The following TANC2 variants were observed in gnomAD, a reference collection of about 807,000 sequenced individuals.
TANC2 encodes the protein tetratricopeptide repeat, ankyrin repeat and coiled-coil containing 2, also known as protein TANC2.
TANC2 carries 26 observed loss-of-function variants against 210.5 expected under a neutral mutation model. The ratio of observed to expected loss-of-function variants is 0.12; its 90% CI spans 0.09 to 0.17. The LOEUF (loss-of-function observed/expected upper bound fraction) is 0.17. Among genes scored for constraint, TANC2 ranks in the 10% least tolerant of loss-of-function variants. TANC2 has a pLI of 1.00. For missense variants in TANC2, 2,129 were observed against 2,608.9 expected (o/e 0.82, Z 4.01); for synonymous variants, 931 against 967.1 (o/e 0.96, Z 0.69).
intron 17 of TANC2, 80 bp downstream of exon 17, chr17:63,389,624 C>A: frequency 7.6e-7 from 1 of 1,308,816 alleles, no homozygotes; most frequent in Non-Finnish European, 1.1e-6. Context: ...TCCAGTGTTA[C>A]TTCATGAGTC....
intron 8 of TANC2, among the ~76,000 whole-genome samples, chr17:63,240,813 CT>C (rs2146078938): frequency 6.6e-6 from 1 of 152,312 alleles, no homozygotes; most frequent in South Asian, 2.1e-4. Context: ...CTTCATGAAA[CT>C]TTCTCCAGTC....
chr17:63,025,191 A>T (rs2034499917), intron 2 of TANC2, among the ~76,000 whole-genome samples: 1 of 152,120 alleles, frequency 6.6e-6, no homozygotes, highest in Non-Finnish European at 1.5e-5. Context: ...AATACAGTTG[A>T]TGGTAATTTT....
At chr17:63,098,511 G>A (rs148908670) in intron 3 of TANC2, among the ~76,000 whole-genome samples, 4 of 72,616 alleles carry the variant, frequency 5.5e-5, no homozygotes, top group African/African-American at 1.9e-4. Context: ...CTCTCTCTCT[G>A]TGTGTATATA....
At chr17:63,276,431 G>A (rs549137106) in intron 9 of TANC2, among the ~76,000 whole-genome samples, 1 of 150,672 alleles carries the variant, frequency 6.6e-6, no homozygotes, top group Non-Finnish European at 1.5e-5. Context: ...ACATTTTCAG[G>A]TATTAAATGT....
intron 26 of TANC2, among the ~76,000 whole-genome samples, chr17:63,417,787 AC>A (rs1568003430): frequency 6.6e-6 from 1 of 151,862 alleles, no homozygotes; most frequent in African/African-American, 2.4e-5. Flanking sequence ...TCTGTCTGAC[AC>A]CCCCTCTCCC....
rs2049023148 is a variant in TANC2, at chr17:63,421,485, A to G, written c.5755A>G (p.Ser1919Gly). The change falls in exon 28 of 28, where the codon AGT becomes GGT. Residue 1919 changes from serine (S) to glycine (G), a missense_variant. Ser to Gly is a moderately conservative substitution (Grantham distance 56). Coordinates refer to ENST00000689528, the Ensembl canonical transcript of TANC2. This position sits in a 1 kb window ranked among gnomAD's most constrained non-coding sequence, Gnocchi z 6.9. ...GTCTCCAACTCAAGGAGGTTACCCCAGTGAGCCCACCCGATCCAGGACCAC... is the reference window on the plus strand; with the variant it reads ...GTCTCCAACTCAAGGAGGTTACCCCGGTGAGCCCACCCGATCCAGGACCAC... 2 of 1,614,010 alleles carry G rather than the reference A, an allele frequency of 1.2e-6. No individual in the cohort carries two copies. Among genetic ancestry groups the G allele is most frequent in the African/African-American group, 1.3e-5 (1 of 75,052 alleles).
intron 2 of TANC2, among the ~76,000 whole-genome samples, chr17:63,022,392 G>A (rs1389627168): frequency 7.9e-5 from 12 of 151,288 alleles, no homozygotes; most frequent in Middle Eastern, 3.5e-3. Context: ...AGAAATCTAA[G>A]TAGCAAAGTG....
chr17:63,031,857 G>A (rs2034783104), intron 2 of TANC2, among the ~76,000 whole-genome samples: 1 of 152,140 alleles, frequency 6.6e-6, no homozygotes, highest in Non-Finnish European at 1.5e-5. Flanking sequence ...GAGTTCCAAG[G>A]GAAGGACTCA....
At chr17:63,322,161 T>A (rs2094496043) in intron 11 of TANC2, among the ~76,000 whole-genome samples, 2 of 152,210 alleles carry the variant, frequency 1.3e-5, no homozygotes. Flanking sequence ...ATTGTAGCTT[T>A]AAAAGACATC....
At chr17:63,103,291 C>G (rs2037700110) in intron 4 of TANC2, among the ~76,000 whole-genome samples, 1 of 152,144 alleles carries the variant, frequency 6.6e-6, no homozygotes, top group Non-Finnish European at 1.5e-5. Context: ...TATAAAGACT[C>G]ATTTGCAGAT....
intron 2 of TANC2, 74 bp downstream of exon 2, chr17:63,009,700 C>A: frequency 7.9e-7 from 1 of 1,261,118 alleles, no homozygotes; most frequent in Non-Finnish European, 1.1e-6. Context: ...TGAATTAATG[C>A]TGTAACACTT....
At chr17:63,219,138 C>T (rs1277844015) in intron 7 of TANC2, among the ~76,000 whole-genome samples, 1 of 152,066 alleles carries the variant, frequency 6.6e-6, no homozygotes, top group Non-Finnish European at 1.5e-5. Flanking sequence ...ATACCATGTT[C>T]AAAGATCACA....
intron 4 of TANC2, among the ~76,000 whole-genome samples, chr17:63,128,522 A>G (rs1003868044): frequency 1.3e-5 from 2 of 152,266 alleles, no homozygotes; most frequent in Non-Finnish European, 2.9e-5. Context: ...AAAAAAGAAA[A>G]GTTGGAATTC....
intron 4 of TANC2, among the ~76,000 whole-genome samples, chr17:63,103,271 T>C (rs1428748701): frequency 6.6e-6 from 1 of 152,238 alleles, no homozygotes; most frequent in East Asian, 1.9e-4. Context: ...TAGTCTTCCA[T>C]GCCGGTGTAT....
At chr17:63,276,319 C>T (rs1394144196) in intron 9 of TANC2, among the ~76,000 whole-genome samples, 1 of 152,020 alleles carries the variant, frequency 6.6e-6, no homozygotes, top group East Asian at 1.9e-4. Flanking sequence ...TAAAAGCCAA[C>T]ACTCTAAGAG....
chr17:63,010,554 A>T (rs1316704547), intron 2 of TANC2, among the ~76,000 whole-genome samples: 2 of 151,374 alleles, frequency 1.3e-5, no homozygotes, highest in Non-Finnish European at 2.9e-5. Flanking sequence ...GACGCTGTCT[A>T]CCCTGAGTTA....
intron 12 of TANC2, among the ~76,000 whole-genome samples, chr17:63,347,729 T>C (rs962234236): frequency 1.6e-4 from 25 of 152,228 alleles, no homozygotes; most frequent in African/African-American, 6.0e-4. Flanking sequence ...CAGTACACTT[T>C]TGCTTTAGCT....
intron 9 of TANC2, among the ~76,000 whole-genome samples, chr17:63,295,525 A>G (rs2044508577): frequency 6.6e-6 from 1 of 152,182 alleles, no homozygotes; most frequent in East Asian, 1.9e-4. Flanking sequence ...CTATTTAGAA[A>G]GCAACGAAGT....
rs1250396413 is a variant in TANC2, at chr17:63,055,983, AAAAAAAAATATATATATATATATAT to A, written c.68-17958_68-17934del. Among the ~76,000 whole-genome samples the A allele has an allele frequency of 7.2e-4, 16 of 22,224 alleles. 1 individual carries two copies. The highest frequency in any genetic ancestry group is 3.1e-3 in the South Asian group (1 of 320). 14.6% of individuals were successfully genotyped at this position (22,224 alleles called of 152,430 possible). On this transcript the variant is annotated intron_variant, in intron 2 of 27. Coordinates refer to ENST00000689528, the Ensembl canonical transcript of TANC2. ...TCTCTACCAAAAAAAAAAAAAAAAA[AAAAAAAAATATATATATATATATAT>A]ATATATATATATATATGCCAGGGGT...
Sources: gnomAD v4.1 joint callset for allele counts (sites outside exome capture counted in the v4.1 genomes callset) on GRCh38, gnomAD v4.1.1 for gene constraint, Gnocchi (gnomAD v3.1) non-coding constraint, MANE v1.5 for transcripts, NCBI Gene and HGNC (gene_info 2026-07-23, HGNC 2026-07-21) for gene names.